The following AGAP9 variants were observed in gnomAD, a reference collection of about 807,000 sequenced individuals.
AGAP9 encodes the protein ArfGAP with GTPase domain, ankyrin repeat and PH domain 9, also known as arf-GAP with GTPase, ANK repeat and PH domain-containing protein 9.
Under a neutral mutation model 55.6 loss-of-function variants are expected in AGAP9, and 23 were observed. That is an observed-to-expected ratio of 0.41 (90% CI 0.30 to 0.59). The LOEUF (loss-of-function observed/expected upper bound fraction) is 0.59. Among genes scored for constraint, AGAP9 ranks in the 20% least tolerant of loss-of-function variants. The pLI, the probability that AGAP9 is intolerant of heterozygous loss-of-function variation, is 0.25. For missense variants in AGAP9, 309 were observed against 808.1 expected, an observed-to-expected ratio of 0.38 and a Z score of 7.49; for synonymous variants, 120 against 305.0, an observed-to-expected ratio of 0.39 and a Z score of 6.32.
chr10:47,503,648 A>G, intron 7 of AGAP9, 105 bp from the exon 8 acceptor site: 1 of 832,736 alleles, frequency 1.2e-6, no homozygotes, highest in African/African-American at 2.1e-5. Flanking sequence ...TTTCTGGGCC[A>G]GGCATGGTGG....
At chr10:47,515,619 T>C (rs1314667807) in intron 4 of AGAP9, among the ~76,000 whole-genome samples, 1 of 116,654 alleles carries the variant, frequency 8.6e-6, no homozygotes, top group African/African-American at 3.2e-5. Context: ...TGAGAATTTC[T>C]GGCTCAGAGA....
chr10:47,520,743 C>T (rs1451760630), intron 2 of AGAP9, among the ~76,000 whole-genome samples, 176 bp from the exon 3 acceptor site: 273 of 91,748 alleles, frequency 3.0e-3, no homozygotes, highest in African/African-American at 0.013. Context: ...TGCTTGTAGT[C>T]CCAGCTACTC....
rs1320613003 is a variant in AGAP9, at chr10:47,519,422, T to C, written c.361+1077A>G. 4.5e-4 allele frequency among the ~76,000 whole-genome samples: 54 copies of C among 119,370 alleles called. 1 individual carries two copies. Among genetic ancestry groups the C allele is most frequent in the African/African-American group, 8.9e-4 (26 of 29,074 alleles). The allele number at this position is 119,370 out of a possible 152,430, so 78.3% of individuals were successfully genotyped here. ...GATGGAGGTTGTAGTGAGCCAAGAT[T>C]GTGCCATTGCACTCCAGTCTGGGCA... On this transcript the variant is annotated intron_variant, in intron 3 of 7. Transcript: ENST00000452145.
intron 4 of AGAP9, among the ~76,000 whole-genome samples, chr10:47,510,824 C>T (rs1246812957): frequency 5.1e-5 from 4 of 78,640 alleles, no homozygotes; most frequent in Admixed American, 1.5e-4. Context: ...AGTGAGACTC[C>T]GTCTCAAAAA....
chr10:47,507,654 G>T (rs1840511891), intron 5 of AGAP9, 71 bp from the exon 6 acceptor site: 11 of 1,517,362 alleles, frequency 7.2e-6, no homozygotes, highest in Non-Finnish European at 9.7e-6. Context: ...TTTTTAAAAG[G>T]GGGGCAGAGG....
intron 2 of AGAP9, among the ~76,000 whole-genome samples, chr10:47,520,804 C>G (rs1840808645): frequency 1.1e-5 from 1 of 88,728 alleles, no homozygotes; most frequent in Non-Finnish European, 2.0e-5. Context: ...AAGTTGAGGC[C>G]AGCATGAGTA....
At chr10:47,511,034 C>G (rs1840610878) in intron 4 of AGAP9, among the ~76,000 whole-genome samples, 1 of 126,666 alleles carries the variant, frequency 7.9e-6, no homozygotes, top group Admixed American at 8.2e-5. Context: ...AGCTCCGCCT[C>G]CCGGGTTCAC....
At position 47,510,062 on chromosome 10, in the gene AGAP9, T is replaced by C. The variant is rs1365822345; in HGVS notation, c.497+109A>G. ...TTAATATTCAGAATCTGAATATCAA[T>C]ATATGGTTGACTCCAATTTCTTAAG... On this transcript the variant is annotated intron_variant, in intron 5 of 7. Transcript: ENST00000452145. The C allele has an allele frequency of 9.4e-6, 14 of 1,492,988 alleles. 1 individual carries two copies. Among genetic ancestry groups the C allele is most frequent in the Non-Finnish European group, 1.2e-5 (14 of 1,121,136 alleles). The allele number at this position is 1,492,988 out of a possible 1,614,324, so 92.5% of individuals were successfully genotyped here.
chr10:47,505,382 C>T (rs1320243569), intron 6 of AGAP9, among the ~76,000 whole-genome samples: 4 of 94,694 alleles, frequency 4.2e-5, no homozygotes, highest in Non-Finnish European at 6.2e-5. Context: ...AGGTAAAAAA[C>T]ATAGCCTGAA....
Position 47,510,170 on chromosome 10 carries a change from C to T in AGAP9, c.497+1G>A, listed in dbSNP as rs1472326201. On this transcript the variant is annotated splice_donor_variant, in intron 5 of 7. Coordinates refer to ENST00000452145, the MANE Select transcript of AGAP9 (RefSeq NM_001190810.1). LOFTEE classifies it high-confidence loss of function. ...TCCCTCGGCAGCATAGTTGTACTCA[C>T]GATATTATTGTCATTGTAAGATAAT... 30 of 1,285,538 alleles carry T rather than the reference C, an allele frequency of 2.3e-5. 3 individuals are homozygous for T. The Middle Eastern group carries it at 1.1e-3, about 47-fold the overall frequency. 79.6% of individuals were successfully genotyped at this position (1,285,538 alleles called of 1,614,324 possible).
intron 2 of AGAP9, among the ~76,000 whole-genome samples, chr10:47,521,047 C>A (rs1283605221): frequency 8.8e-6 from 1 of 113,756 alleles, no homozygotes; most frequent in Non-Finnish European, 1.7e-5. Context: ...TCTGAGGACA[C>A]AGAACCTTAG....
At chr10:47,517,182 T>C (rs1840733690) in intron 4 of AGAP9, among the ~76,000 whole-genome samples, 4 of 95,156 alleles carry the variant, frequency 4.2e-5, no homozygotes, top group East Asian at 4.5e-4. Flanking sequence ...CCCGCTGTGA[T>C]AGAAAGTCAA....
chr10:47,519,255 G>A (rs1840773570), intron 3 of AGAP9, among the ~76,000 whole-genome samples: 1 of 127,310 alleles, frequency 7.9e-6, no homozygotes, highest in East Asian at 3.4e-4. Flanking sequence ...ATCACTTGAG[G>A]TCAGGAGTTT....
In AGAP9 at chr10:47,502,289, C is replaced by G. The variant is rs1370456896; in HGVS notation, c.1840G>C (p.Glu614Gln). The G allele has an allele frequency of 6.2e-7, 1 of 1,601,166 alleles. No individual in the cohort carries two copies. ...CCCTCCCCACAGGTCTCGTTCACCT[C>G]CTCACGGGAGCCATGTGCCAGCAGC... ...ILLLAHGSRE[E>Q]VNETCGEGDG... Residue 614 changes from glutamate (E) to glutamine (Q), a missense_variant, in exon 8 of 8, where the codon GAG becomes CAG. Glu to Gln is a conservative substitution (Grantham distance 29). Coordinates refer to ENST00000452145, the MANE Select transcript of AGAP9 (RefSeq NM_001190810.1).
In AGAP9 at chr10:47,518,735, G is replaced by A. The variant is rs1229553390; in HGVS notation, c.362-878C>T. On this transcript the variant is annotated intron_variant, in intron 3 of 7. Transcript: ENST00000452145. Reference sequence around the variant, plus strand: ...GGCCTAAATTTTGATGTTAAAATGAGTATACAAACCTAATTGGACATGGTG... The same window carrying A: ...GGCCTAAATTTTGATGTTAAAATGAATATACAAACCTAATTGGACATGGTG... Among the ~76,000 whole-genome samples, 19 of 132,858 alleles carry A rather than the reference G, an allele frequency of 1.4e-4. 6 individuals carry two copies. In the South Asian group the frequency reaches 1.5e-3, roughly 10 times the overall value. The allele number at this position is 132,858 out of a possible 152,430, so 87.2% of individuals were successfully genotyped here.
chr10:47,508,988 G>C lies in AGAP9; in HGVS notation c.497+1183C>G, dbSNP rs1243389385. Among the ~76,000 whole-genome samples the C allele has an allele frequency of 3.8e-5, 5 of 132,504 alleles. 1 individual carries two copies. Among genetic ancestry groups the C allele is most frequent in the African/African-American group, 1.0e-4 (3 of 30,026 alleles). 86.9% of individuals were successfully genotyped at this position (132,504 alleles called of 152,430 possible). ...CAATATATCTTCTTGAAGCCAATTT[G>C]CCCTATTAATTTGTTCAATAACTTT... On this transcript the variant is annotated intron_variant, in intron 5 of 7. Transcript: ENST00000452145.
In AGAP9 at chr10:47,502,236, G is replaced by A. The variant is rs1327698577; in HGVS notation, c.1893C>T (p.Ala631=). The change falls in exon 8 of 8, where the codon GCC becomes GCT. Residue 631 remains alanine (A), a synonymous_variant. Coordinates refer to ENST00000452145, the MANE Select transcript of AGAP9 (RefSeq NM_001190810.1). ...CCAGGACCACATTCCCCTTGCGGCA[G>A]GCCAGATGGAGTGCCGTGCAGCCGT... ...EGDGCTALHL[A]CRKGNVVLEQ... The A allele has an allele frequency of 1.9e-6, 3 of 1,587,312 alleles. No homozygotes were observed. Among genetic ancestry groups the A allele is most frequent in the African/African-American group, 2.8e-5 (2 of 71,250 alleles).
rs1262543679 is a variant in AGAP9 at position 47,502,650 on chromosome 10, G to A, written c.1479C>T (p.Asn493=). Reference sequence around the variant, plus strand: ...ATTCAATACACATGAGGACTCCCAAGTTCAAACTGGCCCACTTAGGATTCT... The same window carrying A: ...ATTCAATACACATGAGGACTCCCAAATTCAAACTGGCCCACTTAGGATTCT... ...ETQNPKWASL[N]LGVLMCIECS... The change falls in exon 8 of 8, where the codon AAC becomes AAT. Residue 493 remains asparagine (N), a synonymous_variant. Coordinates refer to ENST00000452145, the MANE Select transcript of AGAP9 (RefSeq NM_001190810.1). 2.0e-6 allele frequency: 3 copies of A among 1,525,492 alleles called. No individual in the cohort carries two copies. The highest frequency in any genetic ancestry group is 2.7e-6 in the Non-Finnish European group (3 of 1,121,566). 94.5% of individuals were successfully genotyped at this position (1,525,492 alleles called of 1,614,324 possible). A position where few individuals can be genotyped will look rare whatever the true frequency, so the allele number is the denominator to read the frequency against.
chr10:47,521,936 A>G (rs1283849662), intron 2 of AGAP9, among the ~76,000 whole-genome samples: 1 of 149,924 alleles, frequency 6.7e-6, no homozygotes, highest in Non-Finnish European at 1.5e-5. Context: ...ATGCGCCACT[A>G]CGCCCAGCTA....
Sources: allele counts gnomAD v4.1 joint callset (sites outside exome capture counted in the v4.1 genomes callset), GRCh38; gene constraint gnomAD v4.1.1; transcripts MANE v1.5; gene names NCBI Gene and HGNC (gene_info 2026-07-23, HGNC 2026-07-21).